TNNI3K: variants seen among roughly 807,000 people sequenced by gnomAD.
TNNI3K encodes the protein serine/threonine-protein kinase TNNI3K.
In TNNI3K, 140 loss-of-function variants were observed where a neutral mutation model predicts 114.5. The observed-to-expected ratio is 1.22, with a 90% CI of 1.07 to 1.41. The LOEUF is 1.41. Among genes scored for constraint, TNNI3K ranks in the 40% most tolerant of loss-of-function variants. TNNI3K has a pLI of 0.00. For missense variants in TNNI3K, 1,125 were observed against 1,007.6 expected (o/e 1.12, Z -1.58); for synonymous variants, 347 against 347.5 (o/e 1.00, Z 0.02).
At chr1:74,348,451 T>A (rs1354255214) in intron 9 of TNNI3K, among the ~76,000 whole-genome samples, 1 of 152,204 alleles carries the variant, frequency 6.6e-6, no homozygotes, top group Non-Finnish European at 1.5e-5. Context: ...AACTTTGTTC[T>A]TTTTGCTTAG....
intron 22 of TNNI3K, among the ~76,000 whole-genome samples, chr1:74,491,777 T>C (rs933230218): frequency 3.9e-5 from 6 of 152,256 alleles, no homozygotes; most frequent in African/African-American, 1.4e-4. Context: ...TAGTGAAGAA[T>C]GTGAAGAATC....
chr1:74,425,527 T>C (rs1228342829), intron 17 of TNNI3K, among the ~76,000 whole-genome samples: 2 of 152,042 alleles, frequency 1.3e-5, no homozygotes, highest in Non-Finnish European at 2.9e-5. Context: ...CACATAAAAT[T>C]CTCCCATTCT....
chr1:74,326,887 C>T (rs1334304364), intron 5 of TNNI3K, among the ~76,000 whole-genome samples: 4 of 151,942 alleles, frequency 2.6e-5, no homozygotes, highest in African/African-American at 4.8e-5. Context: ...TCTAGACCAT[C>T]CTTGCCAACA....
intron 11 of TNNI3K, among the ~76,000 whole-genome samples, chr1:74,357,148 A>G (rs1012527949): frequency 7.2e-5 from 11 of 152,246 alleles, no homozygotes; most frequent in Middle Eastern, 3.4e-3. Flanking sequence ...CACTATATTA[A>G]TTGATATAGC....
intron 22 of TNNI3K, among the ~76,000 whole-genome samples, chr1:74,489,949 T>C (rs1342150531): frequency 6.8e-6 from 1 of 147,548 alleles, no homozygotes; most frequent in Non-Finnish European, 1.5e-5. Flanking sequence ...TGCATTTGCA[T>C]ATGCAGGGAA....
intron 4 of TNNI3K, among the ~76,000 whole-genome samples, chr1:74,252,285 C>T (rs985941646): frequency 6.6e-6 from 1 of 151,796 alleles, no homozygotes; most frequent in Admixed American, 6.6e-5. Flanking sequence ...ATGTTTTTTT[C>T]TATTTTAGAG....
At chr1:74,503,704 G>A (rs536502076) in intron 23 of TNNI3K, among the ~76,000 whole-genome samples, 151 of 152,334 alleles carry the variant, frequency 9.9e-4, no homozygotes, top group African/African-American at 3.4e-3. Context: ...GCAAAGGAGA[G>A]AAGCTAGAAT....
At chr1:74,255,215 G>A (rs1557453362) in intron 4 of TNNI3K, among the ~76,000 whole-genome samples, 5 of 151,664 alleles carry the variant, frequency 3.3e-5, no homozygotes, top group Admixed American at 2.6e-4. Context: ...TTAGCCGGGC[G>A]TAGTGGCGGG....
At chr1:74,443,959 T>A (rs185843171) in intron 20 of TNNI3K, among the ~76,000 whole-genome samples, 2 of 152,178 alleles carry the variant, frequency 1.3e-5, no homozygotes, top group East Asian at 3.9e-4. Context: ...CAATTCAACA[T>A]CCCTTCATGT....
At chr1:74,458,186 T>C (rs1667306174) in intron 20 of TNNI3K, among the ~76,000 whole-genome samples, 1 of 152,112 alleles carries the variant, frequency 6.6e-6, no homozygotes, top group Non-Finnish European at 1.5e-5. Context: ...TAAGTTCTTT[T>C]AGGATAAGAC....
intron 17 of TNNI3K, among the ~76,000 whole-genome samples, chr1:74,405,023 T>C (rs1664549622): frequency 6.6e-6 from 1 of 152,164 alleles, no homozygotes; most frequent in Admixed American, 6.6e-5. Context: ...AGAAAGACCA[T>C]TGAGTGAACT....
chr1:74,408,612 T>C (rs937236584), intron 17 of TNNI3K, among the ~76,000 whole-genome samples: 12 of 152,156 alleles, frequency 7.9e-5, no homozygotes, highest in Admixed American at 2.6e-4. Flanking sequence ...ACAAATCAAG[T>C]TCAGAAAAGA....
intron 23 of TNNI3K, among the ~76,000 whole-genome samples, chr1:74,495,526 C>A (rs542821380): frequency 3.2e-4 from 49 of 152,292 alleles, no homozygotes; most frequent in Admixed American, 8.5e-4. Flanking sequence ...TAACTATTTT[C>A]TCTTTTCTTT....
At chr1:74,336,877 G>T (rs1477185529) in intron 7 of TNNI3K, among the ~76,000 whole-genome samples, 1 of 152,104 alleles carries the variant, frequency 6.6e-6, no homozygotes, top group Non-Finnish European at 1.5e-5. Flanking sequence ...GTAATGGATG[G>T]CTGGGTCAAG....
At chr1:74,451,735 CTTTCTT>C (rs1667029754) in intron 20 of TNNI3K, among the ~76,000 whole-genome samples, 1 of 40,450 alleles carries the variant, frequency 2.5e-5, no homozygotes, top group Non-Finnish European at 4.9e-5. Context: ...TTCTTTCTTT[CTTTCTT>C]TCTTTCTTTT....
chr1:74,342,101 A>G (rs1311857613), intron 7 of TNNI3K: 1 of 152,162 alleles, frequency 6.6e-6, no homozygotes, highest in Non-Finnish European at 1.5e-5. Flanking sequence ...AGATCTTGGA[A>G]AGCACATTTT....
rs189363152 is a variant in TNNI3K at position 74,295,011 on chromosome 1, T to C, written c.444+23303T>C. ...TTTTTTATTGTTTAATATTTACATT[T>C]AAGACTATAGTTTTTCATTTAAATA... On this transcript the variant is annotated intron_variant, in intron 5 of 24. Coordinates refer to ENST00000326637, the MANE Select transcript of TNNI3K (RefSeq NM_015978.3). Among the ~76,000 whole-genome samples, 276 of 152,158 alleles carry C rather than the reference T, an allele frequency of 1.8e-3. 1 individual carries two copies. Among genetic ancestry groups the C allele is most frequent in the Admixed American group, 3.5e-3 (53 of 15,286 alleles).
intron 21 of TNNI3K, among the ~76,000 whole-genome samples, chr1:74,488,539 A>C (rs549817955): frequency 6.6e-6 from 1 of 152,342 alleles, no homozygotes; most frequent in South Asian, 2.1e-4. Context: ...ATTTTCTAAA[A>C]TTCCAAGAAT....
chr1:74,438,557 G>A (rs1366246396), intron 19 of TNNI3K, among the ~76,000 whole-genome samples: 3 of 151,984 alleles, frequency 2.0e-5, no homozygotes, highest in Non-Finnish European at 4.4e-5. Flanking sequence ...TTGTCCTTGA[G>A]GAATCTGAGG....
Sources: gnomAD v4.1 joint callset for allele counts (sites outside exome capture counted in the v4.1 genomes callset) on GRCh38, gnomAD v4.1.1 for gene constraint, MANE v1.5 for transcripts, NCBI Gene and HGNC (gene_info 2026-07-23, HGNC 2026-07-21) for gene names.